The following SPATA17 variants were observed in gnomAD, a reference collection of about 807,000 sequenced individuals.
The protein encoded by SPATA17 is spermatogenesis associated 17, also known as spermatogenesis-associated protein 17.
Under a neutral mutation model 62.2 loss-of-function variants are expected in SPATA17, and 53 were observed. The ratio of observed to expected loss-of-function variants is 0.85; its 90% CI spans 0.68 to 1.07. The LOEUF (loss-of-function observed/expected upper bound fraction) is 1.07, where lower values mean the gene tolerates loss of function less well. Among genes scored for constraint, SPATA17 ranks in the 50% least tolerant of loss-of-function variants. The probability of loss-of-function intolerance (pLI) is 0.00; values close to 1 mark genes in which losing one functional copy is unlikely to be tolerated. For synonymous variants in SPATA17, 146 were observed against 146.8 expected (o/e 0.99, Z 0.04); for missense variants, 466 against 425.5 (o/e 1.10, Z -0.84).
intron 6 of SPATA17, among the ~76,000 whole-genome samples, chr1:217,742,581 A>C (rs1260035911): frequency 1.3e-5 from 2 of 152,210 alleles, no homozygotes; most frequent in Non-Finnish European, 2.9e-5. Context: ...ACATCTTCTT[A>C]TAGAAGTATA....
At chr1:217,667,997 A>G (rs1326755495) in intron 3 of SPATA17, among the ~76,000 whole-genome samples, 1 of 152,248 alleles carries the variant, frequency 6.6e-6, no homozygotes. Context: ...AGGCAATTCA[A>G]ACAACACTAA....
intron 9 of SPATA17, among the ~76,000 whole-genome samples, chr1:217,843,892 T>G (rs1177573333): frequency 1.3e-5 from 2 of 152,148 alleles, no homozygotes; most frequent in African/African-American, 2.4e-5. Flanking sequence ...TATCAGCCAC[T>G]TTTTTACACT....
chr1:217,849,739 G>A (rs966110655), intron 9 of SPATA17, among the ~76,000 whole-genome samples: 1 of 152,098 alleles, frequency 6.6e-6, no homozygotes, highest in African/African-American at 2.4e-5. Flanking sequence ...CTGAACCTGA[G>A]GGGAGGAGGG....
chr1:217,662,444 T>A (rs1461141334), intron 3 of SPATA17, among the ~76,000 whole-genome samples: 4 of 152,124 alleles, frequency 2.6e-5, no homozygotes, highest in African/African-American at 7.2e-5. Context: ...CTATTTAATT[T>A]ACAAAGATTG....
intron 9 of SPATA17, among the ~76,000 whole-genome samples, chr1:217,828,495 C>T (rs1258348590): frequency 7.1e-6 from 1 of 140,942 alleles, no homozygotes; most frequent in East Asian, 2.0e-4. Context: ...ATAGGTAGAA[C>T]TTCTTTGATA....
chr1:217,749,540 GA>G (rs1672848850), intron 6 of SPATA17, among the ~76,000 whole-genome samples: 1 of 151,732 alleles, frequency 6.6e-6, no homozygotes, highest in Non-Finnish European at 1.5e-5. Context: ...CCAGGGTTTT[GA>G]AGTAGTTGAC....
intron 9 of SPATA17, among the ~76,000 whole-genome samples, chr1:217,859,558 C>T (rs535245109): frequency 6.6e-6 from 1 of 152,162 alleles, no homozygotes; most frequent in African/African-American, 2.4e-5. Context: ...CAGGTGTACA[C>T]CACAATACCC....
In SPATA17 at chr1:217,648,895, T is replaced by G; in HGVS notation, c.82T>G (p.Phe28Val). Residue 28 changes from phenylalanine (F) to valine (V), a missense_variant, in exon 2 of 11, where the codon TTT becomes GTT. Phe to Val is a conservative substitution (Grantham distance 50). Coordinates refer to ENST00000366933, the MANE Select transcript of SPATA17 (RefSeq NM_138796.4). ...ATTTTGTTTTAGTGTTGTAGATCCA[T>G]TTAGAAAAAAGGAGAATGATGCAGC... is the stretch of plus-strand genomic sequence containing the variant. ...YYFRNSVVDPFRKKENDAAVK... is the reference protein window; with the variant it reads ...YYFRNSVVDPVRKKENDAAVK... 6.2e-7 allele frequency: 1 copy of G among 1,606,224 alleles called. No individual in the cohort carries two copies. Among genetic ancestry groups the G allele is most frequent in the Non-Finnish European group, 8.5e-7 (1 of 1,176,938 alleles).
chr1:217,782,316 A>G lies in SPATA17; in HGVS notation c.866A>G (p.Asp289Gly). Residue 289 changes from aspartate (D) to glycine (G), a missense_variant, in exon 8 of 11, where the codon GAC becomes GGC. Physicochemically the swap from Asp to Gly is moderately conservative, Grantham distance 94. Transcript: ENST00000366933. Reference protein sequence around the residue: ...RREEWLQNVNDNMFLPFSSYH... With the variant: ...RREEWLQNVNGNMFLPFSSYH... ...GAGGAATGGCTGCAAAATGTAAATG[A>G]CAATATGTGAGTTCTTAGCTTAACA... 1 of 1,604,156 alleles carries G rather than the reference A, an allele frequency of 6.2e-7. No homozygotes were observed. The highest frequency in any genetic ancestry group is 8.5e-7 in the Non-Finnish European group (1 of 1,176,494).
At chr1:217,827,005 C>G (rs1205193863) in intron 9 of SPATA17, among the ~76,000 whole-genome samples, 1 of 151,858 alleles carries the variant, frequency 6.6e-6, no homozygotes, top group Non-Finnish European at 1.5e-5. Flanking sequence ...ATGTCTTTTT[C>G]TAGTCTACTG....
chr1:217,855,356 C>T (rs1675757917), intron 9 of SPATA17, among the ~76,000 whole-genome samples: 1 of 152,164 alleles, frequency 6.6e-6, no homozygotes, highest in Admixed American at 6.5e-5. Flanking sequence ...AAACCACTAA[C>T]AGGCTACAGA....
At chr1:217,743,951 G>GT (rs1672685329) in intron 6 of SPATA17, among the ~76,000 whole-genome samples, 2 of 151,846 alleles carry the variant, frequency 1.3e-5, no homozygotes, top group African/African-American at 2.4e-5. Flanking sequence ...TGTTAATTCT[G>GT]TTTTTTTCAA....
chr1:217,771,367 A>G (rs1673440749), intron 6 of SPATA17, among the ~76,000 whole-genome samples: 1 of 152,062 alleles, frequency 6.6e-6, no homozygotes, highest in South Asian at 2.1e-4. Flanking sequence ...AAAATATACC[A>G]TAGTCCCTGA....
In SPATA17 at chr1:217,777,699, G is replaced by A. The variant is rs542775247; in HGVS notation, c.723+3162G>A. Among the ~76,000 whole-genome samples, 7 of 152,172 alleles carry A rather than the reference G, an allele frequency of 4.6e-5. No homozygotes were observed. In the South Asian group the frequency reaches 1.5e-3, roughly 32 times the overall value. On this transcript the variant is annotated intron_variant, in intron 7 of 10. Coordinates refer to ENST00000366933, the MANE Select transcript of SPATA17 (RefSeq NM_138796.4). Reference sequence around the variant, plus strand: ...TTACAGGAATAAGCCATCACGCCAGGCCCATGTATCAGCATTCTCAATTAC... The same window carrying A: ...TTACAGGAATAAGCCATCACGCCAGACCCATGTATCAGCATTCTCAATTAC...
rs552402831 is a variant in SPATA17 at position 217,664,575 on chromosome 1, G to A, written c.241-4458G>A. Among the ~76,000 whole-genome samples, 17 of 152,060 alleles carry A rather than the reference G, an allele frequency of 1.1e-4. No individual in the cohort carries two copies. In the South Asian group the frequency reaches 1.7e-3, roughly 15 times the overall value. ...CTCCCAAAATGCTGGGAATACAGGC[G>A]TAAACCACCACACCCGGCCCAAAAT... On this transcript the variant is annotated intron_variant, in intron 3 of 10. Transcript: ENST00000366933.
At chr1:217,790,479 T>C (rs953868222) in intron 8 of SPATA17, among the ~76,000 whole-genome samples, 3 of 152,166 alleles carry the variant, frequency 2.0e-5, no homozygotes, top group Non-Finnish European at 2.9e-5. Context: ...CTTGCTCTGT[T>C]GCCCAGGCTG....
intron 5 of SPATA17, among the ~76,000 whole-genome samples, chr1:217,696,731 A>G (rs1349880463): frequency 6.6e-6 from 1 of 152,164 alleles, no homozygotes; most frequent in African/African-American, 2.4e-5. Flanking sequence ...TTGAGTTCAC[A>G]GTAGCTGGAC....
Position 217,774,333 on chromosome 1 carries a change from G to T in SPATA17, c.520-1G>T. 2 of 1,607,040 alleles carry T rather than the reference G, an allele frequency of 1.2e-6. No individual in the cohort carries two copies. Among genetic ancestry groups the T allele is most frequent in the South Asian group, 1.1e-5 (1 of 89,498 alleles). ...ATCAAAATTGCTTTCTTCTTCTTTA[G>T]ATTCCAGGAATATACAATTCACCCT... On this transcript the variant is annotated splice_acceptor_variant, in intron 6 of 10. Transcript: ENST00000366933. LOFTEE classifies it high-confidence loss of function.
chr1:217,814,114 T>C (rs1674660254), intron 9 of SPATA17, among the ~76,000 whole-genome samples: 1 of 152,160 alleles, frequency 6.6e-6, no homozygotes, highest in South Asian at 2.1e-4. Flanking sequence ...GTGTCTAAGA[T>C]TCTCAAAAGA....
Sources: gnomAD v4.1 joint callset for allele counts (sites outside exome capture counted in the v4.1 genomes callset) on GRCh38, gnomAD v4.1.1 for gene constraint, MANE v1.5 for transcripts, NCBI Gene and HGNC (gene_info 2026-07-23, HGNC 2026-07-21) for gene names.